The following SVEP1 variants were observed in gnomAD, a reference collection of about 807,000 sequenced individuals.
SVEP1 encodes sushi, von Willebrand factor type A, EGF and pentraxin domain-containing protein 1.
A neutral mutation model predicts 367.3 loss-of-function variants in SVEP1; 164 were observed. The observed-to-expected ratio is 0.45, with a 90% CI of 0.39 to 0.51. The LOEUF (loss-of-function observed/expected upper bound fraction) is 0.51. Ranked by LOEUF, SVEP1 falls within the 20% of genes least tolerant of loss-of-function variation. The pLI is 0.00. For missense variants in SVEP1, 4,117 were observed against 4,425.3 expected (o/e 0.93, Z 1.98); for synonymous variants, 1,666 against 1,611.6 (o/e 1.03, Z -0.81).
Position 110,408,592 on chromosome 9 carries a change from C to T in SVEP1, c.7008G>A (p.Lys2336=). ...PPLLENQLVL[K]ELTTEVGVVT... ...CAACTCCTACCTCGGTGGTCAACTC[C>T]TTTAATACTAGCTGGTTTTCCAAGA... Residue 2336 remains lysine (K), a synonymous_variant, in exon 38 of 48, where the codon AAG becomes AAA. Coordinates refer to ENST00000374469, the MANE Select transcript of SVEP1 (RefSeq NM_153366.4). 1 of 1,613,764 alleles carries T rather than the reference C, an allele frequency of 6.2e-7. No homozygotes were observed. The highest frequency in any genetic ancestry group is 8.5e-7 in the Non-Finnish European group (1 of 1,179,830).
intron 5 of SVEP1, among the ~76,000 whole-genome samples, chr9:110,503,886 G>C (rs1360237877): frequency 1.3e-5 from 2 of 152,014 alleles, no homozygotes; most frequent in Non-Finnish European, 1.5e-5. Context: ...CCACCCAATA[G>C]CCATTCTCAC....
At chr9:110,401,474 G>A (rs1004701413) in intron 39 of SVEP1, among the ~76,000 whole-genome samples, 7 of 150,450 alleles carry the variant, frequency 4.7e-5, no homozygotes, top group African/African-American at 1.7e-4. Flanking sequence ...CCATTCCAAC[G>A]AGAACACCTA....
chr9:110,517,004 A>AT (rs898591581), intron 3 of SVEP1, among the ~76,000 whole-genome samples: 14 of 152,204 alleles, frequency 9.2e-5, no homozygotes, highest in African/African-American at 3.4e-4. Flanking sequence ...TTGATATTTC[A>AT]TTTTTTCTTT....
At chr9:110,553,393 T>C (rs1830316316) in intron 1 of SVEP1, among the ~76,000 whole-genome samples, 1 of 152,174 alleles carries the variant, frequency 6.6e-6, no homozygotes, top group South Asian at 2.1e-4. Context: ...ATTGGGGAAA[T>C]AGAGATTAAA....
intron 5 of SVEP1, among the ~76,000 whole-genome samples, chr9:110,507,379 G>T (rs1829641332): frequency 1.3e-5 from 2 of 152,296 alleles, no homozygotes; most frequent in South Asian, 4.1e-4. Context: ...GGGGCAAAAT[G>T]TTCAAGTGCA....
chr9:110,417,177 G>A (rs1828137750), intron 36 of SVEP1, among the ~76,000 whole-genome samples: 1 of 150,752 alleles, frequency 6.6e-6, no homozygotes, highest in Non-Finnish European at 1.5e-5. Context: ...CAGAAGACGG[G>A]TGATTTCTGC....
chr9:110,546,583 G>A (rs1830224187), intron 2 of SVEP1, among the ~76,000 whole-genome samples: 1 of 152,142 alleles, frequency 6.6e-6, no homozygotes, highest in Admixed American at 6.6e-5. Context: ...TCCAGATGCT[G>A]CAGGAAACAG....
At chr9:110,374,800 A>G (rs1020378993) in intron 46 of SVEP1, among the ~76,000 whole-genome samples, 3 of 152,230 alleles carry the variant, frequency 2.0e-5, no homozygotes, top group Admixed American at 6.5e-5. Context: ...CAGAACTACC[A>G]TTCAACCCAA....
At chr9:110,529,362 A>G (rs4521831) in intron 3 of SVEP1, among the ~76,000 whole-genome samples, 135,272 of 152,132 alleles carry the variant, frequency 0.89, 60,393 homozygotes, top group Admixed American at 0.93. Context: ...ATTTGGCTCC[A>G]TATGAATTTT....
chr9:110,452,810 C>A (rs956520517), intron 22 of SVEP1, among the ~76,000 whole-genome samples: 3 of 152,158 alleles, frequency 2.0e-5, no homozygotes, highest in Non-Finnish European at 4.4e-5. Flanking sequence ...ATCACTTTAT[C>A]AAGTGCAATA....
chr9:110,379,524 G>T lies in SVEP1; in HGVS notation c.10238-7C>A. 1 of 1,613,266 alleles carries T rather than the reference G, an allele frequency of 6.2e-7. No individual in the cohort carries two copies. On this transcript the variant is annotated splice_polypyrimidine_tract_variant and splice_region_variant and intron_variant, in intron 43 of 47. Coordinates refer to ENST00000374469, the MANE Select transcript of SVEP1 (RefSeq NM_153366.4). ...GGTGGACCACATGAGATTTCTACAG[G>T]ATAACAAAACAACAATTAAGCTTGT...
intron 1 of SVEP1, among the ~76,000 whole-genome samples, chr9:110,552,690 C>T (rs1052690489): frequency 6.6e-6 from 1 of 152,038 alleles, no homozygotes; most frequent in African/African-American, 2.4e-5. Flanking sequence ...GCTGATCTGA[C>T]CGAAGGCAGA....
At chr9:110,445,318 T>A (rs1357295309) in intron 26 of SVEP1, among the ~76,000 whole-genome samples, 1 of 152,182 alleles carries the variant, frequency 6.6e-6, no homozygotes, top group Non-Finnish European at 1.5e-5. Flanking sequence ...GCCCTGGAGT[T>A]GGAATTAGTG....
At chr9:110,498,673 T>A (rs764179849) in intron 7 of SVEP1, among the ~76,000 whole-genome samples, 19 of 152,188 alleles carry the variant, frequency 1.2e-4, no homozygotes, top group Non-Finnish European at 2.2e-4. Context: ...AATGTCCTCT[T>A]GTGAATGGAA....
rs1164253754 is a variant in SVEP1, at chr9:110,375,498, G to C, written c.10505-35C>G. The C allele has an allele frequency of 3.4e-6, 5 of 1,457,534 alleles. No homozygotes were observed. In the Admixed American group the frequency reaches 1.1e-4, roughly 33 times the overall value. 90.3% of individuals were successfully genotyped at this position (1,457,534 alleles called of 1,614,324 possible). On this transcript the variant is annotated intron_variant, in intron 45 of 47. Transcript: ENST00000374469. ...AAAAAAAAAAAAAAAAAAGGAGGCAGGGGGGATTGAAATGGCGTTGATCAA... is the reference window on the plus strand; with the variant it reads ...AAAAAAAAAAAAAAAAAAGGAGGCACGGGGGATTGAAATGGCGTTGATCAA...
chr9:110,436,588 G>A (rs1588052590), intron 27 of SVEP1, 84 bp from the exon 28 acceptor site: 4 of 1,468,088 alleles, frequency 2.7e-6, no homozygotes, highest in East Asian at 2.5e-5. Flanking sequence ...ATGAAAGCAC[G>A]ACTGATACAA....
intron 1 of SVEP1, among the ~76,000 whole-genome samples, chr9:110,569,591 T>G (rs1279424495): frequency 6.6e-6 from 1 of 152,214 alleles, no homozygotes; most frequent in Non-Finnish European, 1.5e-5. Context: ...ATATTTAACT[T>G]GGTGTTATTA....
intron 47 of SVEP1, among the ~76,000 whole-genome samples, chr9:110,368,058 CTGAG>C (rs1397713936): frequency 6.6e-6 from 1 of 152,070 alleles, no homozygotes. Flanking sequence ...GCCTGGGCAT[CTGAG>C]TGAGACTCTG....
At chr9:110,515,200 C>T (rs1433141048) in intron 3 of SVEP1, among the ~76,000 whole-genome samples, 1 of 151,848 alleles carries the variant, frequency 6.6e-6, no homozygotes, top group Non-Finnish European at 1.5e-5. Context: ...AAGAGACTTG[C>T]AATGCTCAGT....
Sources: allele counts gnomAD v4.1 joint callset (sites outside exome capture counted in the v4.1 genomes callset), GRCh38; gene constraint gnomAD v4.1.1; transcripts MANE v1.5; gene names NCBI Gene and HGNC (gene_info 2026-07-23, HGNC 2026-07-21).